APBB2: variants seen among roughly 807,000 people sequenced by gnomAD.
The protein encoded by APBB2 is amyloid beta precursor protein binding family B member 2.
Under a neutral mutation model 82.5 loss-of-function variants are expected in APBB2, and 38 were observed. The ratio of observed to expected loss-of-function variants is 0.46; its 90% confidence interval spans 0.36 to 0.60. The LOEUF (loss-of-function observed/expected upper bound fraction) is 0.60, where lower values mean the gene tolerates loss of function less well. Among genes scored for constraint, APBB2 ranks in the 20% least tolerant of loss-of-function variants. The pLI is 0.00. For missense variants in APBB2, 772 were observed against 972.3 expected (o/e 0.79, Z 2.74); for synonymous variants, 341 against 368.2 (o/e 0.93, Z 0.85).
intron 10 of APBB2, among the ~76,000 whole-genome samples, chr4:40,912,463 G>C (rs1263583434): frequency 6.6e-6 from 1 of 152,022 alleles, no homozygotes; most frequent in East Asian, 1.9e-4. Context: ...TGTAATCCCA[G>C]ATACTCAGGA....
chr4:41,113,230 C>A (rs1403612700), intron 2 of APBB2, among the ~76,000 whole-genome samples: 2 of 152,202 alleles, frequency 1.3e-5, no homozygotes, highest in Admixed American at 1.3e-4. Context: ...GACTTCCTTA[C>A]ATTTACTTTG....
At chr4:40,957,525 A>T (rs1791964403) in intron 6 of APBB2, among the ~76,000 whole-genome samples, 1 of 151,974 alleles carries the variant, frequency 6.6e-6, no homozygotes, top group African/African-American at 2.4e-5. Context: ...AAATAGTTTA[A>T]ATCTGTTTTC....
chr4:40,969,730 A>G (rs1426430963), intron 6 of APBB2, among the ~76,000 whole-genome samples: 2 of 152,202 alleles, frequency 1.3e-5, no homozygotes, highest in African/African-American at 4.8e-5. Context: ...ATCTCTGTGA[A>G]CAAGCTTATG....
chr4:40,863,895 A>C (rs1763400877), intron 12 of APBB2, among the ~76,000 whole-genome samples: 1 of 148,404 alleles, frequency 6.7e-6, no homozygotes, highest in Non-Finnish European at 1.5e-5. Flanking sequence ...CTGTCTCAAA[A>C]AAAAAAAAAA....
chr4:40,921,206 G>C (rs576686976), intron 10 of APBB2, among the ~76,000 whole-genome samples: 35 of 152,260 alleles, frequency 2.3e-4, no homozygotes, highest in African/African-American at 8.4e-4. Context: ...GCCCATACAT[G>C]CTAAATGCTC....
At chr4:40,907,003 T>A (rs1776941415) in intron 10 of APBB2, among the ~76,000 whole-genome samples, 1 of 152,174 alleles carries the variant, frequency 6.6e-6, no homozygotes. Context: ...TATGCATGTC[T>A]ATATGTGTAT....
chr4:41,104,846 G>A (rs1746628943), intron 2 of APBB2, among the ~76,000 whole-genome samples: 1 of 152,148 alleles, frequency 6.6e-6, no homozygotes, highest in Non-Finnish European at 1.5e-5. Flanking sequence ...CTTTTTTACG[G>A]CTGCATAGTA....
At chr4:41,003,702 A>C (rs2154422096) in intron 6 of APBB2, among the ~76,000 whole-genome samples, 1 of 152,166 alleles carries the variant, frequency 6.6e-6, no homozygotes, top group Admixed American at 6.5e-5. Context: ...CGAGACCCTG[A>C]TGACATTTCG....
intron 6 of APBB2, among the ~76,000 whole-genome samples, chr4:41,010,959 C>T (rs954883660): frequency 2.0e-5 from 3 of 151,926 alleles, no homozygotes; most frequent in Non-Finnish European, 4.4e-5. Flanking sequence ...TTTTTTTATC[C>T]TTCTAATCCC....
Position 40,830,548 on chromosome 4 carries a change from T to A in APBB2, c.1559A>T (p.Asp520Val). Residue 520 changes from aspartate to valine, a missense_variant, in exon 13 of 18, where the codon GAT (aspartate) becomes GTT (valine). Coordinates refer to ENST00000508593, the MANE Select transcript of APBB2 (RefSeq NM_004307.2). Reference sequence around the variant, plus strand: ...TACATGACATTTCAAAATTCTTGTATCTTTATCTCTTGCTACATAAGCAAA... The same window carrying A: ...TACATGACATTTCAAAATTCTTGTAACTTTATCTCTTGCTACATAAGCAAA... ...RDFAYVARDK[D>V]TRILKCHVFR... 1.2e-6 allele frequency: 2 copies of A among 1,614,016 alleles called. No homozygotes were observed. The highest frequency in any genetic ancestry group is 1.7e-6 in the Non-Finnish European group (2 of 1,179,868).
chr4:40,833,333 G>A (rs1752710660), intron 12 of APBB2, among the ~76,000 whole-genome samples: 1 of 152,140 alleles, frequency 6.6e-6, no homozygotes, highest in Non-Finnish European at 1.5e-5. Flanking sequence ...TCCTCCCACT[G>A]CACGGCACTC....
chr4:40,918,624 T>TA (rs1780430849), intron 10 of APBB2, among the ~76,000 whole-genome samples: 1 of 152,188 alleles, frequency 6.6e-6, no homozygotes, highest in African/African-American at 2.4e-5. Flanking sequence ...TCAAGGAGCA[T>TA]GCAAAGGAGC....
intron 1 of APBB2, among the ~76,000 whole-genome samples, chr4:41,212,555 G>A (rs1206132120): frequency 2.0e-5 from 3 of 152,168 alleles, no homozygotes; most frequent in Admixed American, 6.5e-5. Context: ...GTATCCATTA[G>A]AAGAGGGAAT....
chr4:41,066,248 C>T (rs1731771812), intron 3 of APBB2, among the ~76,000 whole-genome samples: 1 of 152,092 alleles, frequency 6.6e-6, no homozygotes, highest in Non-Finnish European at 1.5e-5. Flanking sequence ...AAAACCAGAA[C>T]ATTATCAGCA....
At position 40,839,174 on chromosome 4, in the gene APBB2, C is replaced by T. The variant is rs148743991; in HGVS notation, c.1530-8597G>A. On this transcript the variant is annotated intron_variant, in intron 12 of 17. Transcript: ENST00000508593. Reference sequence around the variant, plus strand: ...CTCATTGTAGCCTCGACCTCCTAGACTCAAGCGATCCTCCCGTCTCAGCCT... The same window carrying T: ...CTCATTGTAGCCTCGACCTCCTAGATTCAAGCGATCCTCCCGTCTCAGCCT... Among the ~76,000 whole-genome samples the T allele has an allele frequency of 2.2e-3, 336 of 152,080 alleles. 1 individual carries two copies. Among genetic ancestry groups the T allele is most frequent in the East Asian group, 8.5e-3 (44 of 5,156 alleles).
chr4:41,011,057 T>G (rs920575180), intron 6 of APBB2, among the ~76,000 whole-genome samples: 2 of 152,070 alleles, frequency 1.3e-5, no homozygotes, highest in Non-Finnish European at 2.9e-5. Context: ...TGACATAGAT[T>G]AGTATTTTAT....
chr4:40,866,673 G>T (rs1764102630), intron 12 of APBB2, among the ~76,000 whole-genome samples: 1 of 152,126 alleles, frequency 6.6e-6, no homozygotes, highest in African/African-American at 2.4e-5. Context: ...TCAACTGGAA[G>T]TTCCTAATTT....
intron 10 of APBB2, 71 bp downstream of exon 10, chr4:40,934,385 G>GTTCTTACAA: frequency 6.9e-7 from 1 of 1,454,488 alleles, no homozygotes; most frequent in Non-Finnish European, 9.6e-7. Flanking sequence ...TGTAAAAACT[G>GTTCTTACAA]GACAATGATC....
chr4:40,916,729 C>T (rs543718070), intron 10 of APBB2, among the ~76,000 whole-genome samples: 6 of 152,086 alleles, frequency 3.9e-5, no homozygotes, highest in Admixed American at 6.5e-5. Flanking sequence ...CATGACTGAC[C>T]GACCCTGGTG....
Sources: allele counts gnomAD v4.1 joint callset (sites outside exome capture counted in the v4.1 genomes callset), GRCh38; gene constraint gnomAD v4.1.1; transcripts MANE v1.5; gene names NCBI Gene and HGNC (gene_info 2026-07-23, HGNC 2026-07-21).